The following ERLN variants were observed in gnomAD, a reference collection of about 807,000 sequenced individuals.
ERLN encodes small integral membrane protein 6.
chr17:75,647,267 C>CACAGAGGCTGCT, the ERLN span: 7 of 1,001,914 alleles, frequency 7.0e-6, 1 homozygote, highest in South Asian at 8.5e-5. Context: ...GCCGGCTGCT[C>CACAGAGGCTGCT]ACAGAGGCTG....
At chr17:75,647,401 A>G in the ERLN span, 3 of 1,549,664 alleles carry the variant, frequency 1.9e-6, no homozygotes, top group East Asian at 4.9e-5. Context: ...ATTCAAAGAG[A>G]CAATCTGGAA....
chr17:75,647,601 G>C, the ERLN span: 1 of 1,545,074 alleles, frequency 6.5e-7, no homozygotes, highest in South Asian at 1.2e-5. Flanking sequence ...CAGCAGGGGA[G>C]GCGAGCTGAC....
the ERLN span, among the ~76,000 whole-genome samples, chr17:75,647,109 G>C: frequency 6.6e-6 from 1 of 152,234 alleles, no homozygotes; most frequent in Admixed American, 6.5e-5. Context: ...GGAGAATCCA[G>C]GGGCATCCCC....
At chr17:75,647,602 G>A in the ERLN span, 1 of 1,543,794 alleles carries the variant, frequency 6.5e-7, no homozygotes, top group East Asian at 2.4e-5. Context: ...AGCAGGGGAG[G>A]CGAGCTGACC....
chr17:75,647,601 G>A, the ERLN span: 135 of 1,544,956 alleles, frequency 8.7e-5, no homozygotes, highest in Non-Finnish European at 1.1e-4. Context: ...CAGCAGGGGA[G>A]GCGAGCTGAC....
chr17:75,647,442 G>C, the ERLN span: 2 of 1,549,910 alleles, frequency 1.3e-6, no homozygotes, highest in Non-Finnish European at 1.7e-6. Flanking sequence ...CCTGGGACCA[G>C]GGGGGCCTGG....
chr17:75,647,149 G>A, the ERLN span, among the ~76,000 whole-genome samples: 1 of 152,212 alleles, frequency 6.6e-6, no homozygotes, highest in Non-Finnish European at 1.5e-5. Flanking sequence ...CACTTCTTGC[G>A]CCAGTCCTGG....
chr17:75,647,710 T>G, the ERLN span: 2 of 766,170 alleles, frequency 2.6e-6, no homozygotes, highest in Non-Finnish European at 4.2e-6. Flanking sequence ...TCTAGTAAAA[T>G]ACTGTATCTG....
the ERLN span, among the ~76,000 whole-genome samples, chr17:75,647,074 A>G: frequency 6.6e-6 from 1 of 152,178 alleles, no homozygotes; most frequent in Admixed American, 6.5e-5. Flanking sequence ...CCTTGCTCAC[A>G]CTTGCTACTC....
the ERLN span, among the ~76,000 whole-genome samples, chr17:75,647,035 C>G: frequency 2.2e-4 from 34 of 152,182 alleles, no homozygotes; most frequent in Non-Finnish European, 4.1e-4. Context: ...TAGATTCTAG[C>G]CAAGTAGGTC....
chr17:75,647,369 A>G, the ERLN span: 17 of 1,544,968 alleles, frequency 1.1e-5, no homozygotes, highest in South Asian at 2.0e-4. Context: ...CCTCTTTTCC[A>G]GATTCTCATG....
At chr17:75,647,439 C>T in the ERLN span, 3 of 1,550,132 alleles carry the variant, frequency 1.9e-6, no homozygotes, top group South Asian at 1.2e-5. Flanking sequence ...ACCCCTGGGA[C>T]CAGGGGGGCC....
the ERLN span, chr17:75,647,879 T>C: frequency 2.2e-5 from 6 of 272,276 alleles, no homozygotes; most frequent in South Asian, 7.8e-4. Flanking sequence ...GCTAACAAGG[T>C]TCTCTAACAG....
the ERLN span, chr17:75,647,359 C>T: frequency 6.5e-7 from 1 of 1,540,682 alleles, no homozygotes; most frequent in Non-Finnish European, 8.8e-7. Flanking sequence ...GTCCTCTGTC[C>T]CTCTTTTCCA....
the ERLN span, chr17:75,647,653 G>A: frequency 7.8e-7 from 1 of 1,275,286 alleles, no homozygotes; most frequent in Non-Finnish European, 1.1e-6. Flanking sequence ...GGTTCCCTCT[G>A]GCTCAGGGGC....
chr17:75,647,744 A>C, the ERLN span: 1 of 630,804 alleles, frequency 1.6e-6, no homozygotes, highest in Non-Finnish European at 2.8e-6. Context: ...CAGACTAGTA[A>C]GATGGGGAGG....
the ERLN span, chr17:75,647,636 C>T: frequency 6.9e-7 from 1 of 1,454,422 alleles, no homozygotes; most frequent in Non-Finnish European, 9.3e-7. Context: ...GTGGTGGGCC[C>T]CTTCGCGGTT....
chr17:75,647,297 C>T, the ERLN span: 22 of 1,312,602 alleles, frequency 1.7e-5, no homozygotes, highest in South Asian at 7.4e-5. Flanking sequence ...CTGGAGTCGG[C>T]GGGCAGAGCA....
chr17:75,647,281 C>T, the ERLN span: 9 of 1,147,834 alleles, frequency 7.8e-6, no homozygotes, highest in Non-Finnish European at 9.7e-6. Flanking sequence ...GAGGCTGCTA[C>T]AGAGGCTGGA....
Sources: gnomAD v4.1 joint callset for allele counts (sites outside exome capture counted in the v4.1 genomes callset) on GRCh38, gnomAD v4.1.1 for gene constraint, MANE v1.5 for transcripts, NCBI Gene and HGNC (gene_info 2026-07-23, HGNC 2026-07-21) for gene names.